Variants in P2RX7 observed in about 807,000 individuals in gnomAD.
P2RX7 encodes the protein P2X purinoceptor 7.
P2RX7 carries 62 observed loss-of-function variants against 71.6 expected under a neutral mutation model. The ratio of observed to expected loss-of-function variants is 0.87; its 90% CI spans 0.71 to 1.07. P2RX7 has a LOEUF of 1.07. Ranked by LOEUF, P2RX7 falls within the 50% of genes least tolerant of loss-of-function variation. The pLI is 0.00. For synonymous variants in P2RX7, 299 were observed against 283.3 expected, an observed-to-expected ratio of 1.06 and a Z score of -0.56; for missense variants, 686 against 748.5, an observed-to-expected ratio of 0.92 and a Z score of 0.97.
In P2RX7 at chr12:121,184,667, G is replaced by A. The variant is rs201858990; in HGVS notation, c.1653G>A (p.Arg551=). 3 of 1,591,818 alleles carry A rather than the reference G, an allele frequency of 1.9e-6. No homozygotes were observed. Among genetic ancestry groups the A allele is most frequent in the Admixed American group, 1.8e-5 (1 of 56,326 alleles). The change falls in exon 13 of 13, where the codon AGG becomes AGA. Residue 551 remains arginine (R), a synonymous_variant. Coordinates refer to ENST00000328963, the MANE Select transcript of P2RX7 (RefSeq NM_002562.6). ...GCCGGCTGCGGCACTGTGCCTACAGGTGCTACGCCACCTGGCGCTTCGGCT... is the reference window on the plus strand; with the variant it reads ...GCCGGCTGCGGCACTGTGCCTACAGATGCTACGCCACCTGGCGCTTCGGCT... The part of the protein sequence containing the change: ...TNSRLRHCAY[R]CYATWRFGSQ...
At chr12:121,183,745 C>T (rs1884526065) in intron 12 of P2RX7, among the ~76,000 whole-genome samples, 1 of 151,808 alleles carries the variant, frequency 6.6e-6, no homozygotes, top group African/African-American at 2.4e-5. Context: ...AGAGGCCTGG[C>T]TTTTCTGAAT....
chr12:121,144,201 T>C (rs2136001102), intron 1 of P2RX7, among the ~76,000 whole-genome samples: 1 of 152,306 alleles, frequency 6.6e-6, no homozygotes, highest in South Asian at 2.1e-4. Context: ...ACTAATATCC[T>C]CTTGTTTTGC....
chr12:121,136,023 A>AATATATATATAT (rs1555222078), intron 1 of P2RX7, among the ~76,000 whole-genome samples: 96 of 15,114 alleles, frequency 6.4e-3, no homozygotes, highest in Middle Eastern at 0.083. Context: ...AAAAAAAAAA[A>AATATATATATAT]ATATATATAT....
intron 9 of P2RX7, among the ~76,000 whole-genome samples, chr12:121,176,137 C>T (rs1263213263): frequency 6.6e-6 from 1 of 151,976 alleles, no homozygotes; most frequent in Non-Finnish European, 1.5e-5. Context: ...ATCACTGTGA[C>T]CAGGGTCATG....
At chr12:121,167,222 G>A (rs1881263707) in intron 7 of P2RX7, among the ~76,000 whole-genome samples, 1 of 152,034 alleles carries the variant, frequency 6.6e-6, no homozygotes, top group Admixed American at 6.6e-5. Flanking sequence ...AGGTGTTTGG[G>A]TACAGGAGTG....
intron 1 of P2RX7, among the ~76,000 whole-genome samples, chr12:121,136,588 C>T (rs1873725743): frequency 6.6e-6 from 1 of 151,758 alleles, no homozygotes; most frequent in Non-Finnish European, 1.5e-5. Context: ...TCCCAAAGTG[C>T]TGGGATTATA....
At chr12:121,181,962 G>A (rs190080320) in intron 12 of P2RX7, among the ~76,000 whole-genome samples, 55 of 151,986 alleles carry the variant, frequency 3.6e-4, no homozygotes, top group Admixed American at 3.6e-3. Flanking sequence ...TACTCAGGAC[G>A]CTGAGGTGGG....
chr12:121,164,652 C>T (rs1464783713), intron 5 of P2RX7, among the ~76,000 whole-genome samples: 1 of 152,132 alleles, frequency 6.6e-6, no homozygotes, highest in Non-Finnish European at 1.5e-5. Flanking sequence ...TGTGGTGGCA[C>T]ACGCCTGTAA....
intron 8 of P2RX7, among the ~76,000 whole-genome samples, chr12:121,172,768 A>G (rs532381918): frequency 1.3e-5 from 2 of 152,382 alleles, no homozygotes; most frequent in South Asian, 4.1e-4. Flanking sequence ...GTGCCTGAGA[A>G]TATCTGATCG....
chr12:121,140,553 T>C (rs1253165486), intron 1 of P2RX7, among the ~76,000 whole-genome samples: 1 of 152,020 alleles, frequency 6.6e-6, no homozygotes, highest in Admixed American at 6.6e-5. Flanking sequence ...AAAGCTGAGA[T>C]GTGTTTTGGA....
At chr12:121,174,990 T>C (rs1332275678) in intron 8 of P2RX7, among the ~76,000 whole-genome samples, 1 of 151,996 alleles carries the variant, frequency 6.6e-6, no homozygotes, top group Non-Finnish European at 1.5e-5. Context: ...GACAGGCCAC[T>C]GTTTTGGCTT....
chr12:121,177,082 C>T, intron 9 of P2RX7, 65 bp from the exon 10 acceptor site: 1 of 1,399,564 alleles, frequency 7.1e-7, no homozygotes, highest in Non-Finnish European at 1.0e-6. Flanking sequence ...CCAACAATTG[C>T]ACGTTGAAGC....
chr12:121,175,443 T>G lies in P2RX7; in HGVS notation c.937T>G (p.Phe313Val). The change falls in exon 9 of 13, where the codon TTC (phenylalanine) becomes GTC (valine). Residue 313 changes from phenylalanine to valine, a missense_variant. Physicochemically the swap from Phe to Val is conservative, Grantham distance 50. Transcript: ENST00000328963. ...NVEKRTLIKV[F>V]GIRFDILVFG... ...TGAGAAACGGACTCTGATAAAAGTC[T>G]TCGGGATCCGTTTTGACATCCTGGT... is the stretch of plus-strand genomic sequence containing the variant. 6.3e-7 allele frequency: 1 copy of G among 1,583,026 alleles called. No individual in the cohort carries two copies. Among genetic ancestry groups the G allele is most frequent in the Admixed American group, 1.7e-5 (1 of 59,972 alleles).
intron 1 of P2RX7, among the ~76,000 whole-genome samples, chr12:121,134,671 C>A (rs1332663813): frequency 6.6e-6 from 1 of 152,204 alleles, no homozygotes; most frequent in Non-Finnish European, 1.5e-5. Flanking sequence ...GGATTACAGG[C>A]ATGAGCCGCC....
At chr12:121,160,035 A>G (rs1213714725) in intron 3 of P2RX7, among the ~76,000 whole-genome samples, 2 of 152,242 alleles carry the variant, frequency 1.3e-5, no homozygotes, top group Admixed American at 6.5e-5. Flanking sequence ...GGTTTTTAGT[A>G]TAATCACAGA....
At chr12:121,145,802 G>A (rs1307881423) in intron 1 of P2RX7, among the ~76,000 whole-genome samples, 2 of 152,078 alleles carry the variant, frequency 1.3e-5, no homozygotes, top group African/African-American at 2.4e-5. Context: ...CACCGTACCC[G>A]GCCTGGTGAC....
At chr12:121,150,758 A>C (rs568702043) in intron 1 of P2RX7, among the ~76,000 whole-genome samples, 2 of 152,224 alleles carry the variant, frequency 1.3e-5, no homozygotes, top group East Asian at 3.9e-4. Flanking sequence ...AAAATACAAA[A>C]ATTAGCTGGG....
intron 9 of P2RX7, 63 bp from the exon 10 acceptor site, chr12:121,177,084 C>T (rs1883278944): frequency 8.4e-6 from 12 of 1,436,144 alleles, no homozygotes; most frequent in Admixed American, 3.4e-5. Flanking sequence ...AACAATTGCA[C>T]GTTGAAGCAA....
At chr12:121,137,089 A>G (rs1169035130) in intron 1 of P2RX7, among the ~76,000 whole-genome samples, 1 of 152,250 alleles carries the variant, frequency 6.6e-6, no homozygotes, top group Admixed American at 6.5e-5. Flanking sequence ...ATTCAGTTAT[A>G]CATGTTCCAT....
Sources: gnomAD v4.1 joint callset for allele counts (sites outside exome capture counted in the v4.1 genomes callset) on GRCh38, gnomAD v4.1.1 for gene constraint, MANE v1.5 for transcripts, NCBI Gene and HGNC (gene_info 2026-07-23, HGNC 2026-07-21) for gene names.